FAM120B: variants seen among roughly 807,000 people sequenced by gnomAD.
The protein encoded by FAM120B is constitutive coactivator of peroxisome proliferator-activated receptor gamma.
FAM120B carries 83 observed loss-of-function variants against 96.3 expected under a neutral mutation model. That is an observed-to-expected ratio of 0.86 (90% confidence interval 0.72 to 1.03). The LOEUF is 1.03. Ranked by LOEUF, FAM120B falls within the 50% of genes least tolerant of loss-of-function variation. The pLI is 0.00. For synonymous variants in FAM120B, 407 were observed against 402.7 expected, an observed-to-expected ratio of 1.01 and a Z score of -0.13; for missense variants, 1,027 against 1,121.2, an observed-to-expected ratio of 0.92 and a Z score of 1.20.
intron 8 of FAM120B, among the ~76,000 whole-genome samples, chr6:170,393,766 G>A (rs1030611223): frequency 5.9e-5 from 9 of 152,166 alleles, no homozygotes; most frequent in African/African-American, 7.2e-5. Context: ...AGCCTCCACC[G>A]CTTGGCCCCA....
chr6:170,310,233 A>G (rs1583176603), intron 1 of FAM120B, among the ~76,000 whole-genome samples: 1 of 152,236 alleles, frequency 6.6e-6, no homozygotes, highest in East Asian at 1.9e-4. Context: ...GGTTTTGTAG[A>G]GCACAGTGTG....
At chr6:170,372,166 G>A (rs116231081) in intron 6 of FAM120B, among the ~76,000 whole-genome samples, 2,159 of 151,936 alleles carry the variant, frequency 0.014, 41 homozygotes, top group African/African-American at 0.047. Flanking sequence ...TGGTTCATGC[G>A]GTCTGAGTAA....
upstream of FAM120B, among the ~76,000 whole-genome samples, chr6:170,305,044 GCT>G (rs1406935132): frequency 1.3e-5 from 2 of 152,066 alleles, no homozygotes; most frequent in African/African-American, 4.8e-5. Context: ...GGGCAAGAGA[GCT>G]CTCTGGCCTC....
intron 8 of FAM120B, among the ~76,000 whole-genome samples, chr6:170,392,271 G>T (rs1384151510): frequency 6.6e-6 from 1 of 151,956 alleles, no homozygotes; most frequent in African/African-American, 2.4e-5. Flanking sequence ...GCAGTGGCTC[G>T]ATCTCGGCTC....
chr6:170,334,764 A>T (rs764337851), intron 4 of FAM120B, among the ~76,000 whole-genome samples: 1 of 152,240 alleles, frequency 6.6e-6, no homozygotes, highest in South Asian at 2.1e-4. Flanking sequence ...ACAAATTCAC[A>T]TTAGAGTCAC....
In FAM120B at chr6:170,377,278, T is replaced by C. The variant is rs549773597; in HGVS notation, c.2284-11009T>C. On this transcript the variant is annotated intron_variant, in intron 6 of 10. Coordinates refer to ENST00000476287, the MANE Select transcript of FAM120B (RefSeq NM_032448.3). ...AACGCAGGCTCACGCTGCTCGGTGC[T>C]GTGCACACGCGTCCCTAATCCCAGA... 8.5e-5 allele frequency among the ~76,000 whole-genome samples: 10 copies of C among 117,254 alleles called. No individual in the cohort carries two copies. In the South Asian group the frequency reaches 3.0e-3, roughly 35 times the overall value. 76.9% of individuals were successfully genotyped at this position (117,254 alleles called of 152,430 possible).
chr6:170,371,231 C>T (rs1027558997), intron 6 of FAM120B, among the ~76,000 whole-genome samples: 1 of 151,146 alleles, frequency 6.6e-6, no homozygotes, highest in Non-Finnish European at 1.5e-5. Flanking sequence ...ATTTCATAAA[C>T]ATGACATCGC....
At chr6:170,338,739 T>A (rs1786608753) in intron 4 of FAM120B, among the ~76,000 whole-genome samples, 1 of 152,194 alleles carries the variant, frequency 6.6e-6, no homozygotes, top group South Asian at 2.1e-4. Flanking sequence ...GATAGCTACC[T>A]CTTCTTGTTG....
chr6:170,308,828 G>C (rs1318318535), intron 1 of FAM120B, among the ~76,000 whole-genome samples: 5 of 152,058 alleles, frequency 3.3e-5, no homozygotes, highest in Admixed American at 6.5e-5. Flanking sequence ...ATTTAGGCCT[G>C]GAGAAACAAA....
intron 5 of FAM120B, among the ~76,000 whole-genome samples, chr6:170,356,226 T>G (rs929982852): frequency 6.6e-6 from 1 of 152,210 alleles, no homozygotes; most frequent in Admixed American, 6.5e-5. Context: ...ACCTTTTAAG[T>G]AAAATCTCTG....
Position 170,317,976 on chromosome 6 carries a change from C to T in FAM120B, c.586C>T (p.Leu196Phe). Residue 196 changes from leucine (L) to phenylalanine (F), a missense_variant, in exon 2 of 11, where the codon CTC becomes TTC. Leu to Phe is a conservative substitution (Grantham distance 22, BLOSUM62 0). This residue lies in a region of FAM120B where 880 missense variants were observed against 980.9 expected (regional missense o/e 0.90). Coordinates refer to ENST00000476287, the MANE Select transcript of FAM120B (RefSeq NM_032448.3). The stretch of plus-strand genomic sequence containing the variant: ...TTGTCCCTACTTTTCAATTAGCGAG[C>T]TCTGCCTAGAGAGCCTGGACACCGT... ...DTCPYFSISE[L>F]CLESLDTVML... The T allele has an allele frequency of 6.2e-7, 1 of 1,613,930 alleles. No individual in the cohort carries two copies. Among genetic ancestry groups the T allele is most frequent in the East Asian group, 2.2e-5 (1 of 44,880 alleles).
At chr6:170,332,718 C>T (rs1786140161) in intron 4 of FAM120B, among the ~76,000 whole-genome samples, 1 of 152,054 alleles carries the variant, frequency 6.6e-6, no homozygotes, top group African/African-American at 2.4e-5. Context: ...AAGTGAGATC[C>T]TGCCGATGGG....
upstream of FAM120B, among the ~76,000 whole-genome samples, chr6:170,306,124 C>T (rs1269429334): frequency 6.6e-6 from 1 of 152,224 alleles, no homozygotes; most frequent in African/African-American, 2.4e-5. Context: ...CAACTTTCAG[C>T]TGAAGAGTAG....
At chr6:170,298,034 TTTTGA>T (rs1466895940) in intron 1 of FAM120B, 4 of 152,234 alleles carry the variant, frequency 2.6e-5, no homozygotes, top group Admixed American at 2.6e-4. Flanking sequence ...CCTTATTTTA[TTTTGA>T]TTTGTTTTCG....
rs78983151 is a variant in FAM120B at position 170,377,853 on chromosome 6, T to C, written c.2284-10434T>C. Among the ~76,000 whole-genome samples, 590 of 100,980 alleles carry C rather than the reference T, an allele frequency of 5.8e-3. 3 individuals are homozygous for C. Among genetic ancestry groups the C allele is most frequent in the East Asian group, 0.036 (108 of 3,040 alleles). The allele number at this position is 100,980 out of a possible 152,430, so 66.2% of individuals were successfully genotyped here. A position where few individuals can be genotyped will look rare whatever the true frequency, so the allele number is the denominator to read the frequency against. ...GTGCACACGCGTCCCTAATCCCAGA[T>C]GCCTGGGAGAGCACCGGCTCACGCT... is the stretch of plus-strand genomic sequence containing the variant. On this transcript the variant is annotated intron_variant, in intron 6 of 10. Transcript: ENST00000476287.
rs6905610 is a variant in FAM120B, at chr6:170,318,681, T to C, written c.1291T>C (p.Ser431Pro). 2,821 of 1,526,234 alleles carry C rather than the reference T, an allele frequency of 1.8e-3. 69 individuals carry two copies. The African/African-American group carries it at 0.036, about 19-fold the overall frequency. 94.5% of individuals were successfully genotyped at this position (1,526,234 alleles called of 1,614,324 possible). A position where few individuals can be genotyped will look rare whatever the true frequency, so the allele number is the denominator to read the frequency against. ...GCAAGAAGTTCCCATGTATACAGACTCTGAACCCAGGCAAGAAGTTCCCAT... is the reference window on the plus strand; with the variant it reads ...GCAAGAAGTTCCCATGTATACAGACCCTGAACCCAGGCAAGAAGTTCCCAT... ...ARQEVPMYTD[S>P]EPRQEVPMYT... The change falls in exon 2 of 11, where the codon TCT (serine) becomes CCT (proline). Residue 431 changes from serine to proline, a missense_variant. Around this residue, in one of 3 missense-constraint regions of FAM120B, gnomAD observed 880 missense variants for 980.9 expected, o/e 0.90. Coordinates refer to ENST00000476287, the MANE Select transcript of FAM120B (RefSeq NM_032448.3).
Position 170,363,565 on chromosome 6 carries a change from C to T in FAM120B, c.2283+5247C>T, listed in dbSNP as rs544398137. On this transcript the variant is annotated intron_variant, in intron 6 of 10. Transcript: ENST00000476287. This position sits in a 1 kb window ranked among gnomAD's most constrained non-coding sequence, Gnocchi z 4.5. ...GACTGATCATTGTCTATGCCAGTAG[C>T]AGCTTTTAGTGAAAATACAGGTCCC... Among the ~76,000 whole-genome samples, 16 of 152,364 alleles carry T rather than the reference C, an allele frequency of 1.1e-4. No individual in the cohort carries two copies. The highest frequency in any genetic ancestry group is 3.8e-4 in the African/African-American group (16 of 41,588).
chr6:170,381,567 A>T (rs557854616), intron 6 of FAM120B, among the ~76,000 whole-genome samples: 1 of 152,172 alleles, frequency 6.6e-6, no homozygotes, highest in African/African-American at 2.4e-5. Context: ...AAAAAAAAAT[A>T]GTGCAAAATA....
At chr6:170,388,202 C>G in intron 6 of FAM120B, 85 bp from the exon 7 acceptor site, 1 of 1,152,456 alleles carries the variant, frequency 8.7e-7, no homozygotes. Flanking sequence ...CCGTTCTGAG[C>G]AGAGTAACTT....
Sources: allele counts gnomAD v4.1 joint callset (sites outside exome capture counted in the v4.1 genomes callset), GRCh38; gene constraint gnomAD v4.1.1; regional missense constraint gnomAD v4.1.1; non-coding constraint Gnocchi (gnomAD v3.1); transcripts MANE v1.5; gene names NCBI Gene and HGNC (gene_info 2026-07-23, HGNC 2026-07-21).